COX10: variants seen among roughly 807,000 people sequenced by gnomAD.
COX10 encodes the protein protoheme IX farnesyltransferase, mitochondrial.
A neutral mutation model predicts 37.3 loss-of-function variants in COX10; 27 were observed. The observed-to-expected ratio is 0.72, with a 90% CI of 0.53 to 1.00. The LOEUF (loss-of-function observed/expected upper bound fraction) is 1.00, where lower values mean the gene tolerates loss of function less well. Among genes scored for constraint, COX10 ranks in the 50% least tolerant of loss-of-function variants. The pLI is 0.00. For missense variants in COX10, 475 were observed against 563.2 expected (o/e 0.84, Z 1.59); for synonymous variants, 222 against 229.1 (o/e 0.97, Z 0.28).
rs2142273429 is a variant in COX10, at chr17:14,207,020, C to T, written c.1139C>T (p.Thr380Ile). ...CCTGTGCTGGACATCACCACATGGACCTTCCCCATCATGGCCCTTCCCATC... is the reference window on the plus strand; with the variant it reads ...CCTGTGCTGGACATCACCACATGGATCTTCCCCATCATGGCCCTTCCCATC... ...AAPVLDITTW[T>I]FPIMALPINA... is the part of the protein sequence containing the mutation. The change falls in exon 7 of 7, where the codon ACC becomes ATC. Residue 380 changes from threonine to isoleucine, a missense_variant. By Grantham distance (89) the Thr-to-Ile change is moderately conservative (BLOSUM62 -1). This residue lies in a region of COX10 where 160 missense variants were observed against 180.6 expected (regional missense o/e 0.89). Coordinates refer to ENST00000261643, the MANE Select transcript of COX10 (RefSeq NM_001303.4). 1 of 1,614,096 alleles carries T rather than the reference C, an allele frequency of 6.2e-7. No individual in the cohort carries two copies. Among genetic ancestry groups the T allele is most frequent in the Non-Finnish European group, 8.5e-7 (1 of 1,179,932 alleles).
At chr17:14,198,008 C>T (rs979581896) in intron 6 of COX10, among the ~76,000 whole-genome samples, 9 of 152,110 alleles carry the variant, frequency 5.9e-5, no homozygotes, top group Non-Finnish European at 1.3e-4. Context: ...TTCAGCCTAA[C>T]TGCTGTTAGC....
chr17:14,169,675 G>C (rs918750397), intron 5 of COX10, among the ~76,000 whole-genome samples: 1 of 152,196 alleles, frequency 6.6e-6, no homozygotes, highest in African/African-American at 2.4e-5. Flanking sequence ...GTTGTAATGA[G>C]GGAGTTAGAT....
rs993513282 is a variant in COX10 at position 14,208,100 on chromosome 17, A to T, written c.*887A>T. The T allele has an allele frequency of 6.6e-6, 1 of 152,326 alleles. No individual in the cohort carries two copies. Among genetic ancestry groups the T allele is most frequent in the Admixed American group, 6.5e-5 (1 of 15,284 alleles). 9.4% of individuals were successfully genotyped at this position (152,326 alleles called of 1,614,324 possible). A position where few individuals can be genotyped will look rare whatever the true frequency, so the allele number is the denominator to read the frequency against. ...GTATTGAGAAGGGAAGTTAGGAAGA[A>T]GGGTGTGCTGGGCTAACCAGCCCAC... On this transcript the variant is annotated 3_prime_UTR_variant, in exon 7 of 7. Coordinates refer to ENST00000261643, the MANE Select transcript of COX10 (RefSeq NM_001303.4).
chr17:14,092,195 T>G (rs1317968965), intron 3 of COX10, among the ~76,000 whole-genome samples: 1 of 152,182 alleles, frequency 6.6e-6, no homozygotes, highest in Non-Finnish European at 1.5e-5. Context: ...CTTTTATTTA[T>G]GTATTTATCA....
chr17:14,077,613 G>A (rs1915187012), intron 3 of COX10, among the ~76,000 whole-genome samples: 1 of 152,154 alleles, frequency 6.6e-6, no homozygotes, highest in Non-Finnish European at 1.5e-5. Flanking sequence ...CCATAATTAA[G>A]TGATTTGGTT....
intron 5 of COX10, among the ~76,000 whole-genome samples, chr17:14,181,666 T>C (rs1223079671): frequency 6.6e-6 from 1 of 152,200 alleles, no homozygotes; most frequent in Non-Finnish European, 1.5e-5. Context: ...ACTATCTGGC[T>C]CAGTCAGGAG....
rs115202899 is a variant in COX10, at chr17:14,148,164, G to A, written c.625-11713G>A. On this transcript the variant is annotated intron_variant, in intron 4 of 6. Coordinates refer to ENST00000261643, the MANE Select transcript of COX10 (RefSeq NM_001303.4). Reference sequence around the variant, plus strand: ...AGAGAGGGCCTGAGTAATCTGTTTAGAGGAGAACATTGCCCCAGTCACCAC... The same window carrying A: ...AGAGAGGGCCTGAGTAATCTGTTTAAAGGAGAACATTGCCCCAGTCACCAC... 6.7e-3 allele frequency among the ~76,000 whole-genome samples: 1,001 copies of A among 148,830 alleles called. 46 individuals are homozygous for A. Among genetic ancestry groups the A allele is most frequent in the African/African-American group, 0.025 (948 of 38,264 alleles).
intron 4 of COX10, among the ~76,000 whole-genome samples, chr17:14,146,184 A>C (rs1904710608): frequency 6.6e-6 from 1 of 152,104 alleles, no homozygotes; most frequent in African/African-American, 2.4e-5. Flanking sequence ...AAAGAACAAA[A>C]CTAGAGGAAT....
chr17:14,195,643 TGTG>T (rs1381624102), intron 6 of COX10, among the ~76,000 whole-genome samples: 2 of 152,236 alleles, frequency 1.3e-5, no homozygotes, highest in Non-Finnish European at 2.9e-5. Context: ...AGACTGTACC[TGTG>T]GTCTCACTAA....
chr17:14,072,750 G>A (rs2142179178), intron 1 of COX10, among the ~76,000 whole-genome samples: 1 of 152,348 alleles, frequency 6.6e-6, no homozygotes, highest in East Asian at 1.9e-4. Flanking sequence ...AAATTGTGAT[G>A]TATTTCTTGG....
chr17:14,176,762 C>T (rs901254356), intron 5 of COX10, among the ~76,000 whole-genome samples: 38 of 151,704 alleles, frequency 2.5e-4, no homozygotes, highest in African/African-American at 9.0e-4. Context: ...TGCATCTGGT[C>T]CTAATACAGC....
intron 5 of COX10, among the ~76,000 whole-genome samples, chr17:14,166,170 A>C (rs568027714): frequency 4.6e-5 from 7 of 152,228 alleles, no homozygotes; most frequent in Non-Finnish European, 1.0e-4. Flanking sequence ...CATATAGACG[A>C]GACAACCCTC....
intron 5 of COX10, among the ~76,000 whole-genome samples, chr17:14,171,238 A>G (rs1444349315): frequency 6.6e-6 from 1 of 152,226 alleles, no homozygotes; most frequent in Non-Finnish European, 1.5e-5. Flanking sequence ...GCTAGTTCCC[A>G]AGGTTGCAGA....
chr17:14,121,980 A>G (rs1454089186), intron 4 of COX10, among the ~76,000 whole-genome samples: 1 of 152,120 alleles, frequency 6.6e-6, no homozygotes, highest in African/African-American at 2.4e-5. Flanking sequence ...GCAAAAAGGA[A>G]GTAGTTGGCC....
At chr17:14,174,540 A>T (rs1304055427) in intron 5 of COX10, among the ~76,000 whole-genome samples, 1 of 152,124 alleles carries the variant, frequency 6.6e-6, no homozygotes, top group Non-Finnish European at 1.5e-5. Context: ...TAAGCAAAAG[A>T]TTTTCAACGT....
chr17:14,144,616 T>C (rs1049195556), intron 4 of COX10, among the ~76,000 whole-genome samples: 10 of 152,176 alleles, frequency 6.6e-5, no homozygotes, highest in African/African-American at 2.4e-4. Context: ...TCTTGAAAAC[T>C]GGCCTTAAGA....
At chr17:14,162,914 G>A (rs569029648) in intron 5 of COX10, among the ~76,000 whole-genome samples, 6 of 152,082 alleles carry the variant, frequency 3.9e-5, no homozygotes, top group African/African-American at 9.7e-5. Flanking sequence ...TCAGATGAGC[G>A]GGTTGGCTAC....
At chr17:14,192,449 G>A (rs974421365) in intron 6 of COX10, among the ~76,000 whole-genome samples, 1 of 151,952 alleles carries the variant, frequency 6.6e-6, no homozygotes, top group African/African-American at 2.4e-5. Flanking sequence ...GGAATGTCTG[G>A]GAGAAAAAAA....
chr17:14,123,933 A>AT (rs3837821), intron 4 of COX10, among the ~76,000 whole-genome samples: 3 of 151,622 alleles, frequency 2.0e-5, no homozygotes, highest in East Asian at 1.9e-4. Flanking sequence ...AGTATCAAGT[A>AT]TTTTTTTTTC....
Sources: gnomAD v4.1 joint callset for allele counts (sites outside exome capture counted in the v4.1 genomes callset) on GRCh38, gnomAD v4.1.1 for gene constraint, gnomAD v4.1.1 regional missense constraint, MANE v1.5 for transcripts, NCBI Gene and HGNC (gene_info 2026-07-23, HGNC 2026-07-21) for gene names.